Variants in RIT2 observed in about 807,000 individuals in gnomAD.
RIT2 encodes Ras like without CAAX 2, also known as GTP-binding protein Rit2.
A neutral mutation model predicts 23.7 loss-of-function variants in RIT2; 24 were observed. The ratio of observed to expected loss-of-function variants is 1.01; its 90% CI spans 0.73 to 1.43. RIT2 has a LOEUF of 1.43. RIT2 is among the 40% of genes most tolerant of loss of function. The pLI is 0.00. For synonymous variants in RIT2, 107 were observed against 91.1 expected (o/e 1.17, Z -0.99); for missense variants, 236 against 266.9 (o/e 0.88, Z 0.81).
chr18:42,975,869 C>T (rs1046503430), intron 2 of RIT2, among the ~76,000 whole-genome samples: 29 of 152,018 alleles, frequency 1.9e-4, no homozygotes, highest in Middle Eastern at 3.2e-3. Context: ...ACATCATGTA[C>T]CCCAGTTCAA....
chr18:42,858,376 G>A (rs1907242153), intron 4 of RIT2, among the ~76,000 whole-genome samples: 1 of 152,116 alleles, frequency 6.6e-6, no homozygotes, highest in Admixed American at 6.5e-5. Context: ...AGCCCCAATA[G>A]CAGTGTGCTA....
At chr18:43,034,992 T>A (rs1408869622) in intron 1 of RIT2, among the ~76,000 whole-genome samples, 1 of 152,240 alleles carries the variant, frequency 6.6e-6, no homozygotes, top group Non-Finnish European at 1.5e-5. Flanking sequence ...TACTGAGGAC[T>A]CTTTTCCCTT....
intron 2 of RIT2, among the ~76,000 whole-genome samples, chr18:43,009,755 C>T (rs1189340374): frequency 2.0e-5 from 3 of 151,700 alleles, no homozygotes; most frequent in African/African-American, 7.3e-5. Flanking sequence ...GACATTGACA[C>T]TTCCCATGTC....
At chr18:42,857,361 C>A (rs1157556360) in intron 4 of RIT2, among the ~76,000 whole-genome samples, 1 of 152,124 alleles carries the variant, frequency 6.6e-6, no homozygotes, top group Non-Finnish European at 1.5e-5. Flanking sequence ...TTCTTTTCAG[C>A]TCATTTTTAT....
At chr18:43,005,926 G>A (rs1411261545) in intron 2 of RIT2, among the ~76,000 whole-genome samples, 3 of 151,750 alleles carry the variant, frequency 2.0e-5, no homozygotes, top group African/African-American at 7.2e-5. Flanking sequence ...AATAGCCAGA[G>A]AGGGCAAGAA....
At chr18:42,970,448 T>C (rs564177814) in intron 3 of RIT2, among the ~76,000 whole-genome samples, 2 of 152,154 alleles carry the variant, frequency 1.3e-5, no homozygotes, top group East Asian at 1.9e-4. Flanking sequence ...CATGGGATTA[T>C]TGTGGCACTG....
intron 4 of RIT2, among the ~76,000 whole-genome samples, chr18:42,785,959 C>T (rs1384618136): frequency 1.3e-5 from 2 of 152,060 alleles, no homozygotes; most frequent in African/African-American, 4.8e-5. Flanking sequence ...ATGTCCTATA[C>T]TATATTATGC....
intron 1 of RIT2, among the ~76,000 whole-genome samples, chr18:43,035,102 C>G (rs566515520): frequency 1.3e-5 from 2 of 152,304 alleles, no homozygotes; most frequent in Non-Finnish European, 2.9e-5. Context: ...ATATTCAGAG[C>G]AGAGAAGACT....
chr18:43,059,841 T>G (rs1026983167), intron 1 of RIT2, among the ~76,000 whole-genome samples: 3 of 152,108 alleles, frequency 2.0e-5, no homozygotes, highest in African/African-American at 7.2e-5. Flanking sequence ...TTGTTTAACA[T>G]GCTTATGGAT....
intron 4 of RIT2, among the ~76,000 whole-genome samples, chr18:42,799,182 C>A (rs1308959984): frequency 1.3e-5 from 2 of 152,064 alleles, no homozygotes; most frequent in Non-Finnish European, 2.9e-5. Flanking sequence ...TTTTCCCTAC[C>A]CCAAAGCCCC....
intron 1 of RIT2, among the ~76,000 whole-genome samples, chr18:43,048,769 A>G (rs1302635968): frequency 6.6e-6 from 1 of 152,108 alleles, no homozygotes; most frequent in Non-Finnish European, 1.5e-5. Flanking sequence ...CAGCTCACAT[A>G]TGTTCATATG....
At chr18:42,752,935 T>C (rs1189335764) in intron 4 of RIT2, among the ~76,000 whole-genome samples, 1 of 152,194 alleles carries the variant, frequency 6.6e-6, no homozygotes, top group Admixed American at 6.6e-5. Context: ...AAATGTTTCA[T>C]ACAAGTAATA....
At chr18:42,847,057 C>G (rs1253450763) in intron 4 of RIT2, among the ~76,000 whole-genome samples, 1 of 152,070 alleles carries the variant, frequency 6.6e-6, no homozygotes, top group Non-Finnish European at 1.5e-5. Context: ...CGAGTGTTGA[C>G]AACAAATTAC....
chr18:42,780,698 G>A (rs891197305), intron 4 of RIT2, among the ~76,000 whole-genome samples: 2 of 152,088 alleles, frequency 1.3e-5, no homozygotes, highest in Admixed American at 1.3e-4. Flanking sequence ...TGTTTTGTCA[G>A]TCGTAATATC....
At chr18:42,963,621 G>T (rs1043805853) in intron 3 of RIT2, among the ~76,000 whole-genome samples, 4 of 152,160 alleles carry the variant, frequency 2.6e-5, no homozygotes, top group Non-Finnish European at 5.9e-5. Context: ...GGCCGGGCTT[G>T]GTGGCTCATA....
chr18:43,052,623 T>C (rs1029703284), intron 1 of RIT2, among the ~76,000 whole-genome samples: 2 of 152,074 alleles, frequency 1.3e-5, no homozygotes, highest in African/African-American at 4.8e-5. Context: ...AACTGCTCCT[T>C]TCCACACTGT....
intron 4 of RIT2, among the ~76,000 whole-genome samples, chr18:42,805,036 A>T (rs1905644174): frequency 6.6e-6 from 1 of 152,228 alleles, no homozygotes; most frequent in South Asian, 2.1e-4. Flanking sequence ...CTTTCTCTGA[A>T]TACAAAAATT....
chr18:43,055,928 C>T (rs1037908590), intron 1 of RIT2, among the ~76,000 whole-genome samples: 6 of 152,010 alleles, frequency 3.9e-5, no homozygotes, highest in African/African-American at 7.2e-5. Context: ...TTTAAGGTTA[C>T]GGGTTAGCAA....
chr18:42,919,713 C>CA (rs879282177), intron 4 of RIT2, among the ~76,000 whole-genome samples: 84 of 141,596 alleles, frequency 5.9e-4, no homozygotes, highest in African/African-American at 1.5e-3. Context: ...GACTCCATCT[C>CA]AAAAAAAAAA....
Sources: allele counts gnomAD v4.1 joint callset (sites outside exome capture counted in the v4.1 genomes callset), GRCh38; gene constraint gnomAD v4.1.1; transcripts MANE v1.5; gene names NCBI Gene and HGNC (gene_info 2026-07-23, HGNC 2026-07-21).